The following AIFM3 variants were observed in gnomAD, a reference collection of about 807,000 sequenced individuals.
AIFM3 encodes the protein apoptosis-inducing factor 3.
In AIFM3, 71 loss-of-function variants were observed where a neutral mutation model predicts 82.7. That is an observed-to-expected ratio of 0.86 (90% CI 0.71 to 1.05). The LOEUF is 1.05. AIFM3 is among the 50% of genes least tolerant of loss of function. The probability of loss-of-function intolerance (pLI) is 0.00; values close to 1 mark genes in which losing one functional copy is unlikely to be tolerated. For missense variants in AIFM3, 748 were observed against 816.7 expected (o/e 0.92, Z 1.03); for synonymous variants, 337 against 329.1 (o/e 1.02, Z -0.26).
chr22:20,975,847 T>G (rs978630517), intron 9 of AIFM3, 69 bp downstream of exon 9: 19 of 1,541,360 alleles, frequency 1.2e-5, no homozygotes, highest in Non-Finnish European at 1.6e-5. Context: ...TGTGGGCCCC[T>G]GGGGTGGGGT....
At chr22:20,971,767 C>G (rs1262074776) in intron 2 of AIFM3, among the ~76,000 whole-genome samples, 2 of 152,208 alleles carry the variant, frequency 1.3e-5, no homozygotes, top group African/African-American at 4.8e-5. Context: ...CTCCCTGCAG[C>G]AGCAGCCTGG....
intron 2 of AIFM3, among the ~76,000 whole-genome samples, chr22:20,970,019 G>T (rs178260): frequency 0.15 from 23,006 of 152,112 alleles, 2,004 homozygotes; most frequent in East Asian, 0.42. Context: ...TGTCTGAGTA[G>T]TTGATAAGAA....
Position 20,972,886 on chromosome 22 carries a change from C to T in AIFM3, c.32-421C>T, listed in dbSNP as rs537453572. Among the ~76,000 whole-genome samples the T allele has an allele frequency of 5.1e-4, 78 of 152,112 alleles. 1 individual carries two copies. Among genetic ancestry groups the T allele is most frequent in the African/African-American group, 1.8e-3 (74 of 41,512 alleles). The stretch of plus-strand genomic sequence containing the variant: ...ATGGCAAAACCCTGTCTCTACCAAC[C>T]CTGTCACGCCACACCTCTGGCGTGG... On this transcript the variant is annotated intron_variant, in intron 2 of 20. Transcript: ENST00000440238.
Position 20,979,353 on chromosome 22 carries a change from G to C in AIFM3, c.1560G>C (p.Lys520Asn). 1.3e-6 allele frequency: 2 copies of C among 1,555,408 alleles called. No individual in the cohort carries two copies. Among genetic ancestry groups the C allele is most frequent in the African/African-American group, 1.4e-5 (1 of 73,226 alleles). The change falls in exon 17 of 21, where the codon AAG (lysine) becomes AAC (asparagine). Residue 520 changes from lysine (K) to asparagine (N), a missense_variant. Transcript: ENST00000440238. ...ACCTCTGGACCGCCATGTTTGGCAA[G>C]AGCCTGCGCTACGCGGGTAACCCCG... ...VPYLWTAMFG[K>N]SLRYAGYGEG...
At chr22:20,973,215 G>A in intron 2 of AIFM3, 92 bp from the exon 3 acceptor site, 1 of 1,448,688 alleles carries the variant, frequency 6.9e-7, no homozygotes, top group Non-Finnish European at 9.4e-7. Context: ...GAGCCTCCTG[G>A]CACCCCGAGG....
intron 2 of AIFM3, among the ~76,000 whole-genome samples, chr22:20,969,782 C>G (rs969320872): frequency 2.6e-5 from 4 of 152,150 alleles, no homozygotes; most frequent in Non-Finnish European, 4.4e-5. Flanking sequence ...GCCCCAGGTG[C>G]CCATGCTGGG....
Position 20,976,669 on chromosome 22 carries a change from A to G in AIFM3, c.1049A>G (p.Tyr350Cys). ...AGFLGMEVAA[Y>C]LTEKAHSVSV... ...TCACCAGGGATGGAGGTGGCCGCTT[A>G]CCTGACGGAGAAGGCCCACTCTGTG... Residue 350 changes from tyrosine (Y) to cysteine (C), a missense_variant, in exon 12 of 21, where the codon TAC (tyrosine) becomes TGC (cysteine). By Grantham distance (194) the Tyr-to-Cys change is radical. Transcript: ENST00000440238. 6.2e-7 allele frequency: 1 copy of G among 1,609,828 alleles called. No individual in the cohort carries two copies. The highest frequency in any genetic ancestry group is 8.5e-7 in the Non-Finnish European group (1 of 1,178,010).
At chr22:20,965,389 C>G (rs543236548), upstream of AIFM3, 53 of 152,376 alleles carry the variant, frequency 3.5e-4, no homozygotes, top group African/African-American at 1.3e-3. Context: ...CCGAAGCTCA[C>G]CTCGTCCTTC....
intron 18 of AIFM3, 145 bp downstream of exon 18, chr22:20,979,847 T>G: frequency 8.3e-7 from 1 of 1,209,160 alleles, no homozygotes. Context: ...AGCCCGAAGC[T>G]TGTGCACGGT....
rs377284602 is a variant in AIFM3 at position 20,976,457 on chromosome 22, A to G, written c.949A>G (p.Ile317Val). ...KGKEVENVFT[I>V]RTPEDANRVV... ...CAAAGAAGTGGAGAACGTGTTCACT[A>G]TCCGGACGCCAGAGGATGCCAATCG... The change falls in exon 11 of 21, where the codon ATC becomes GTC. Residue 317 changes from isoleucine to valine, a missense_variant. Around this residue, in one of 5 missense-constraint regions of AIFM3, gnomAD observed 393 missense variants for 481.1 expected, o/e 0.82. Transcript: ENST00000440238. The G allele has an allele frequency of 3.7e-6, 6 of 1,614,092 alleles. No individual in the cohort carries two copies. In the South Asian group the frequency reaches 4.4e-5, roughly 12 times the overall value.
rs780732378 is a variant in AIFM3, at chr22:20,974,693, C to T, written c.608-11C>T. 1.2e-6 allele frequency: 2 copies of T among 1,613,980 alleles called. No homozygotes were observed. The highest frequency in any genetic ancestry group is 4.5e-5 in the East Asian group (2 of 44,882). ...AGAAGTGGTTCCTGGCCCACGGGCC[C>T]CTCCCCTCAGGTGCAGCTGGCCTGG... is the stretch of plus-strand genomic sequence containing the variant. On this transcript the variant is annotated splice_polypyrimidine_tract_variant and intron_variant, in intron 7 of 20. Transcript: ENST00000440238.
rs1424420903 is a variant in AIFM3 at position 20,981,282 on chromosome 22, C to T, written c.*251C>T. 1 of 562,236 alleles carries T rather than the reference C, an allele frequency of 1.8e-6. No homozygotes were observed. The highest frequency in any genetic ancestry group is 4.9e-4 in the Middle Eastern group (1 of 2,058). 34.8% of individuals were successfully genotyped at this position (562,236 alleles called of 1,614,324 possible). A position where few individuals can be genotyped will look rare whatever the true frequency, so the allele number is the denominator to read the frequency against. ...AGGACAAGCCCTGCCTCTTCTCCCT[C>T]TATTGGGACTGGTCCCCTGAAGAAC... On this transcript the variant is annotated 3_prime_UTR_variant, in exon 21 of 21. Transcript: ENST00000440238.
rs768996285 is a variant in AIFM3 at position 20,974,737 on chromosome 22, G to A, written c.641G>A (p.Arg214Gln). Residue 214 changes from arginine to glutamine, a missense_variant, in exon 8 of 21, where the codon CGG becomes CAG. Coordinates refer to ENST00000440238, the MANE Select transcript of AIFM3 (RefSeq NM_001386814.1). ...GGCCTGGTGTGTGCAGAGACACTGC[G>A]GCAGGAGGGCTTCTCCGACCGGATC... ...AAGLVCAETL[R>Q]QEGFSDRIVL... 13 of 1,613,966 alleles carry A rather than the reference G, an allele frequency of 8.1e-6. No individual in the cohort carries two copies. Among genetic ancestry groups the A allele is most frequent in the South Asian group, 1.1e-5 (1 of 91,074 alleles).
intron 16 of AIFM3, 75 bp from the exon 17 acceptor site, chr22:20,979,196 C>A: frequency 6.7e-7 from 1 of 1,485,284 alleles, no homozygotes; most frequent in Non-Finnish European, 9.2e-7. Context: ...TCAGGGGTCC[C>A]CAGGGCATCA....
intron 16 of AIFM3, among the ~76,000 whole-genome samples, chr22:20,978,916 C>T (rs1569150708): frequency 6.6e-6 from 1 of 152,036 alleles, no homozygotes; most frequent in African/African-American, 2.4e-5. Flanking sequence ...TCCCTGTGTA[C>T]TTGTGCCCCA....
intron 8 of AIFM3, 55 bp downstream of exon 8, chr22:20,974,871 A>C (rs1385687553): frequency 2.5e-6 from 4 of 1,576,172 alleles, no homozygotes; most frequent in Non-Finnish European, 3.5e-6. Flanking sequence ...AGTTAAGCCC[A>C]CTTCAAGCCT....
In AIFM3 at chr22:20,979,378, G is replaced by A. The variant is rs1257088046; in HGVS notation, c.1576+9G>A. On this transcript the variant is annotated intron_variant, in intron 17 of 20. Transcript: ENST00000440238. ...GAGCCTGCGCTACGCGGGTAACCCC[G>A]GGGCCTCGGATGGGGGCGGGGCCGA... 21 of 1,550,272 alleles carry A rather than the reference G, an allele frequency of 1.4e-5. No individual in the cohort carries two copies. Among genetic ancestry groups the A allele is most frequent in the Admixed American group, 2.0e-5 (1 of 51,062 alleles).
chr22:20,969,229 G>A (rs1923113740), intron 2 of AIFM3, among the ~76,000 whole-genome samples: 2 of 152,146 alleles, frequency 1.3e-5, no homozygotes, highest in Non-Finnish European at 2.9e-5. Flanking sequence ...GGCCTGCCTG[G>A]GACCCGTGGC....
intron 9 of AIFM3, 92 bp from the exon 10 acceptor site, chr22:20,976,123 G>GGCTGGGCTGTGGGTGTACT: frequency 7.2e-7 from 1 of 1,391,386 alleles, no homozygotes; most frequent in Non-Finnish European, 1.0e-6. Flanking sequence ...CAGAGGCTGT[G>GGCTGGGCTGTGGGTGTACT]GCTGGGCTGT....
Sources: allele counts gnomAD v4.1 joint callset (sites outside exome capture counted in the v4.1 genomes callset), GRCh38; gene constraint gnomAD v4.1.1; regional missense constraint gnomAD v4.1.1; transcripts MANE v1.5; gene names NCBI Gene and HGNC (gene_info 2026-07-23, HGNC 2026-07-21).